SUGCT: variants seen among roughly 807,000 people sequenced by gnomAD.
SUGCT encodes succinyl-CoA:glutarate CoA-transferase.
Under a neutral mutation model 55.0 loss-of-function variants are expected in SUGCT, and 41 were observed. The observed-to-expected ratio is 0.74, with a 90% CI of 0.58 to 0.97. The LOEUF is 0.97. SUGCT is among the 50% of genes least tolerant of loss of function. The pLI is 0.00. For synonymous variants in SUGCT, 187 were observed against 200.4 expected, an observed-to-expected ratio of 0.93 and a Z score of 0.56; for missense variants, 568 against 547.8, an observed-to-expected ratio of 1.04 and a Z score of -0.37.
chr7:40,316,181 T>G (rs183371035), intron 8 of SUGCT, among the ~76,000 whole-genome samples: 114 of 152,330 alleles, frequency 7.5e-4, no homozygotes, highest in Admixed American at 3.7e-3. Flanking sequence ...TAATTAATTT[T>G]AAAAACTCAA....
At chr7:40,534,462 G>C (rs541706350) in intron 12 of SUGCT, among the ~76,000 whole-genome samples, 92 of 152,012 alleles carry the variant, frequency 6.1e-4, no homozygotes, top group Admixed American at 1.1e-3. Context: ...TTGGCTCACC[G>C]CAACCTCCAC....
chr7:40,186,065 T>TTTTC (rs757559932), intron 3 of SUGCT, among the ~76,000 whole-genome samples: 30 of 151,608 alleles, frequency 2.0e-4, no homozygotes, highest in Non-Finnish European at 3.8e-4. Flanking sequence ...TTGGTTGTTG[T>TTTTC]TTTCTTTCTT....
At chr7:40,771,995 A>G (rs1208505395) in intron 13 of SUGCT, among the ~76,000 whole-genome samples, 1 of 152,098 alleles carries the variant, frequency 6.6e-6, no homozygotes, top group African/African-American at 2.4e-5. Context: ...CCTTAAAACT[A>G]GGGTGACCAT....
At chr7:40,702,106 C>A (rs1188398854) in intron 12 of SUGCT, among the ~76,000 whole-genome samples, 3 of 152,192 alleles carry the variant, frequency 2.0e-5, no homozygotes, top group South Asian at 4.1e-4. Flanking sequence ...CCTAAAATAA[C>A]CCTCAAAGCC....
chr7:40,994,461 G>C, the SUGCT span, among the ~76,000 whole-genome samples: 5 of 152,066 alleles, frequency 3.3e-5, no homozygotes, highest in Admixed American at 3.3e-4. Context: ...TCCTTGACCT[G>C]AATAAAAAAG....
At chr7:40,420,802 GAC>G (rs147287632) in intron 9 of SUGCT, among the ~76,000 whole-genome samples, 4 of 151,216 alleles carry the variant, frequency 2.6e-5, no homozygotes, top group Admixed American at 1.3e-4. Flanking sequence ...TACACACACA[GAC>G]ACACACACAC....
At chr7:40,687,029 C>A (rs1562946376) in intron 12 of SUGCT, among the ~76,000 whole-genome samples, 1 of 152,134 alleles carries the variant, frequency 6.6e-6, no homozygotes, top group Admixed American at 6.6e-5. Flanking sequence ...GCCCTCACCC[C>A]CAACCCACAA....
At chr7:40,708,980 G>C (rs922712036) in intron 12 of SUGCT, among the ~76,000 whole-genome samples, 1 of 152,132 alleles carries the variant, frequency 6.6e-6, no homozygotes, top group Non-Finnish European at 1.5e-5. Context: ...GAACATAGAG[G>C]AGCAGTAAAC....
chr7:41,017,352 A>G, the SUGCT span, among the ~76,000 whole-genome samples: 1 of 152,178 alleles, frequency 6.6e-6, no homozygotes, highest in Admixed American at 6.5e-5. Context: ...GGGGGTTGAA[A>G]ACAAGGCCAC....
At chr7:40,657,120 T>C (rs1801053941) in intron 12 of SUGCT, among the ~76,000 whole-genome samples, 1 of 152,218 alleles carries the variant, frequency 6.6e-6, no homozygotes, top group Admixed American at 6.5e-5. Context: ...AGGGAAAGGA[T>C]ACATTAGGGG....
the SUGCT span, among the ~76,000 whole-genome samples, chr7:41,029,547 T>G: frequency 8.0e-3 from 1,211 of 152,306 alleles, 10 homozygotes; most frequent in Non-Finnish European, 0.013. Flanking sequence ...TCCCTTGCCT[T>G]CCTTCTAGGA....
At chr7:40,435,248 A>C (rs908502403) in intron 9 of SUGCT, among the ~76,000 whole-genome samples, 14 of 152,202 alleles carry the variant, frequency 9.2e-5, no homozygotes, top group African/African-American at 3.1e-4. Context: ...TGTTCCAACT[A>C]TAGGACATAC....
At chr7:40,792,983 A>G (rs78155316) in intron 13 of SUGCT, among the ~76,000 whole-genome samples, 13,176 of 152,156 alleles carry the variant, frequency 0.087, 683 homozygotes, top group Middle Eastern at 0.17. Context: ...ATTTAAGAAC[A>G]CTCCTTAGAT....
chr7:40,664,634 T>C (rs1801508064), intron 12 of SUGCT, among the ~76,000 whole-genome samples: 1 of 152,198 alleles, frequency 6.6e-6, no homozygotes, highest in South Asian at 2.1e-4. Context: ...TTATTTAACA[T>C]TAGATTATGC....
chr7:40,426,848 C>T (rs1787613756), intron 9 of SUGCT, among the ~76,000 whole-genome samples: 1 of 152,010 alleles, frequency 6.6e-6, no homozygotes, highest in Non-Finnish European at 1.5e-5. Context: ...GGGTCTTGCT[C>T]TGTCACCCAA....
At chr7:40,246,251 C>CTTTTTTTTTTTTT (rs11387100) in intron 7 of SUGCT, among the ~76,000 whole-genome samples, 1 of 147,230 alleles carries the variant, frequency 6.8e-6, no homozygotes, top group Non-Finnish European at 1.5e-5. Flanking sequence ...ATAGCATGTT[C>CTTTTTTTTTTTTT]TTTTTTTTTT....
At chr7:40,830,350 G>A (rs1792592705) in intron 13 of SUGCT, among the ~76,000 whole-genome samples, 1 of 152,098 alleles carries the variant, frequency 6.6e-6, no homozygotes, top group Non-Finnish European at 1.5e-5. Flanking sequence ...CAGACCATTG[G>A]TCCTGCCCTC....
chr7:40,653,267 A>G (rs191822792), intron 12 of SUGCT, among the ~76,000 whole-genome samples: 1 of 152,360 alleles, frequency 6.6e-6, no homozygotes, highest in Admixed American at 6.5e-5. Context: ...TATTCAAAGA[A>G]CACTTGAATG....
At chr7:40,338,100 G>A (rs1208830171) in intron 9 of SUGCT, among the ~76,000 whole-genome samples, 1 of 152,162 alleles carries the variant, frequency 6.6e-6, no homozygotes, top group African/African-American at 2.4e-5. Flanking sequence ...GGCTTGTAGA[G>A]TTTCTGCCAA....
Sources: gnomAD v4.1 joint callset for allele counts (sites outside exome capture counted in the v4.1 genomes callset) on GRCh38, gnomAD v4.1.1 for gene constraint, MANE v1.5 for transcripts, NCBI Gene and HGNC (gene_info 2026-07-23, HGNC 2026-07-21) for gene names.